GARS1: variants seen among roughly 807,000 people sequenced by gnomAD.
GARS1 encodes the protein glycyl-tRNA synthetase 1.
GARS1 carries 46 observed loss-of-function variants against 86.4 expected under a neutral mutation model. The observed-to-expected ratio is 0.53, with a 90% CI of 0.42 to 0.68. The LOEUF (loss-of-function observed/expected upper bound fraction) is 0.68, where lower values mean the gene tolerates loss of function less well. Among genes scored for constraint, GARS1 ranks in the 30% least tolerant of loss-of-function variants. The probability of loss-of-function intolerance (pLI) is 0.00; values close to 1 mark genes in which losing one functional copy is unlikely to be tolerated. For missense variants in GARS1, 797 were observed against 915.6 expected (o/e 0.87, Z 1.67); for synonymous variants, 342 against 329.8 (o/e 1.04, Z -0.40).
rs762605231 is a variant in GARS1, at chr7:30,595,042, T to C, written c.121T>C (p.Cys41Arg). 1 of 1,566,300 alleles carries C rather than the reference T, an allele frequency of 6.4e-7. No individual in the cohort carries two copies. Among genetic ancestry groups the C allele is most frequent in the Admixed American group, 1.8e-5 (1 of 55,484 alleles). ...LLRRSLSAAS[C>R]PPISLPAAAS... ...CCGCCGGTCCCTCAGCGCGGCCTCC[T>C]GCCCCCCGATCTCCTTGCCCGCCGC... Residue 41 changes from cysteine to arginine, a missense_variant, in exon 1 of 17, where the codon TGC becomes CGC. This residue lies in a region of GARS1 where 199 missense variants were observed against 176.9 expected (regional missense o/e 1.12). Coordinates refer to ENST00000389266, the MANE Select transcript of GARS1 (RefSeq NM_002047.4).
At position 30,633,869 on chromosome 7, in the gene GARS1, T is replaced by A; in HGVS notation, c.*9T>A. Reference sequence around the variant, plus strand: ...AGACAATCGAGGAATGAGGACAATTTTGACAACTTTTGACCACTTGCGCTA... The same window carrying A: ...AGACAATCGAGGAATGAGGACAATTATGACAACTTTTGACCACTTGCGCTA... On this transcript the variant is annotated 3_prime_UTR_variant, in exon 17 of 17. Transcript: ENST00000389266. 6.2e-7 allele frequency: 1 copy of A among 1,609,510 alleles called. No homozygotes were observed. Among genetic ancestry groups the A allele is most frequent in the Non-Finnish European group, 8.5e-7 (1 of 1,178,670 alleles).
chr7:30,625,911 TA>T (rs1783119242), intron 12 of GARS1, among the ~76,000 whole-genome samples: 1 of 152,248 alleles, frequency 6.6e-6, no homozygotes, highest in Non-Finnish European at 1.5e-5. Context: ...GTTATTATTC[TA>T]AAACTGAATT....
In GARS1 at chr7:30,632,885, G is replaced by T. The variant is rs1007116923; in HGVS notation, c.2094+448G>T. On this transcript the variant is annotated intron_variant, in intron 16 of 16. Coordinates refer to ENST00000389266, the MANE Select transcript of GARS1 (RefSeq NM_002047.4). The surrounding 1 kb of genome is among the most constrained non-coding windows in gnomAD (Gnocchi z 4.1). The stretch of plus-strand genomic sequence containing the variant: ...TTCAGTAGTTTTGGTCAATAGGAAG[G>T]CAGTAATGGAGATGGTAGAAGCACA... Among the ~76,000 whole-genome samples the T allele has an allele frequency of 6.6e-6, 1 of 152,214 alleles. No individual in the cohort carries two copies. The highest frequency in any genetic ancestry group is 1.5e-5 in the Non-Finnish European group (1 of 68,040).
chr7:30,602,283 G>A (rs1299812215), intron 4 of GARS1, among the ~76,000 whole-genome samples: 1 of 147,714 alleles, frequency 6.8e-6, no homozygotes, highest in African/African-American at 2.5e-5. Context: ...TAGAGACGGG[G>A]TTTCACCATG....
upstream of GARS1, chr7:30,594,839 C>A: frequency 2.4e-6 from 3 of 1,226,870 alleles, no homozygotes; most frequent in Non-Finnish European, 3.4e-6. Flanking sequence ...GTCGTTTACG[C>A]GGCGATTTCA....
Position 30,617,287 on chromosome 7 carries a change from A to G in GARS1, c.1359+9A>G. 6.2e-7 allele frequency: 1 copy of G among 1,613,526 alleles called. No homozygotes were observed. Among genetic ancestry groups the G allele is most frequent in the Admixed American group, 1.7e-5 (1 of 59,946 alleles). Reference sequence around the variant, plus strand: ...AATCCAAAACATCCTACGTAAGTGGAGTGCTGTTTACCATGTGATTTTCAC... The same window carrying G: ...AATCCAAAACATCCTACGTAAGTGGGGTGCTGTTTACCATGTGATTTTCAC... On this transcript the variant is annotated intron_variant, in intron 10 of 16. Coordinates refer to ENST00000389266, the MANE Select transcript of GARS1 (RefSeq NM_002047.4).
chr7:30,597,715 G>T (rs1489793335), intron 1 of GARS1, among the ~76,000 whole-genome samples: 1 of 152,150 alleles, frequency 6.6e-6, no homozygotes, highest in African/African-American at 2.4e-5. Context: ...TAAAATAAAA[G>T]AAGTACTCAA....
At chr7:30,618,961 G>T (rs1299171245) in intron 10 of GARS1, among the ~76,000 whole-genome samples, 1 of 152,098 alleles carries the variant, frequency 6.6e-6, no homozygotes, top group African/African-American at 2.4e-5. Context: ...TTTATTTTCA[G>T]ATCAAACCAA....
At chr7:30,631,633 A>G in intron 15 of GARS1, 92 bp downstream of exon 15, 1 of 839,756 alleles carries the variant, frequency 1.2e-6, no homozygotes, top group Non-Finnish European at 2.0e-6. Flanking sequence ...AAAAATATAG[A>G]CTGAATAAAG....
intron 16 of GARS1, among the ~76,000 whole-genome samples, chr7:30,633,128 A>G (rs1183081899): frequency 6.6e-6 from 1 of 152,194 alleles, no homozygotes; most frequent in Admixed American, 6.5e-5. Context: ...TTGACTTTTT[A>G]GAGACCATCT....
At chr7:30,620,004 T>C (rs1782971258) in intron 10 of GARS1, among the ~76,000 whole-genome samples, 1 of 152,054 alleles carries the variant, frequency 6.6e-6, no homozygotes, top group African/African-American at 2.4e-5. Context: ...CTTGAACTTC[T>C]GACCTCAGGT....
chr7:30,627,249 T>C (rs1235210274), intron 13 of GARS1: 3 of 289,344 alleles, frequency 1.0e-5, no homozygotes, highest in Non-Finnish European at 2.1e-5. Context: ...CAGTGAGCAG[T>C]GTTAGGAGTA....
intron 8 of GARS1, among the ~76,000 whole-genome samples, chr7:30,612,488 T>C (rs1269439575): frequency 1.3e-5 from 2 of 151,938 alleles, no homozygotes; most frequent in Non-Finnish European, 2.9e-5. Context: ...CTTAAGAGTC[T>C]CACCTGCTCC....
Position 30,633,792 on chromosome 7 carries a change from G to C in GARS1, c.2152G>C (p.Asp718His), listed in dbSNP as rs767756548. The stretch of plus-strand genomic sequence containing the variant: ...AGCCAATGGCAACATCACATGGGCT[G>C]ATGTGGAGGCCAGGTATCCTCTGTT... Reference protein sequence around the residue: ...DLANGNITWADVEARYPLFEG... With the variant: ...DLANGNITWAHVEARYPLFEG... Residue 718 changes from aspartate to histidine, a missense_variant, in exon 17 of 17, where the codon GAT becomes CAT. Asp to His is a moderately conservative substitution (Grantham distance 81, BLOSUM62 -1). Coordinates refer to ENST00000389266, the MANE Select transcript of GARS1 (RefSeq NM_002047.4). 6.2e-7 allele frequency: 1 copy of C among 1,605,098 alleles called. No individual in the cohort carries two copies. Among genetic ancestry groups the C allele is most frequent in the African/African-American group, 1.3e-5 (1 of 74,564 alleles).
chr7:30,615,130 A>T (rs1353338633), intron 8 of GARS1, among the ~76,000 whole-genome samples: 1 of 152,228 alleles, frequency 6.6e-6, no homozygotes, highest in East Asian at 1.9e-4. Context: ...CTTCATCGTT[A>T]GGTAATTAGC....
At chr7:30,620,907 T>C (rs1353075732) in intron 10 of GARS1, among the ~76,000 whole-genome samples, 1 of 152,248 alleles carries the variant, frequency 6.6e-6, no homozygotes. Flanking sequence ...GAACCAAATT[T>C]ACAGGCTTTG....
Position 30,633,879 on chromosome 7 carries a change from T to C in GARS1, c.*19T>C, listed in dbSNP as rs368060421. The C allele has an allele frequency of 2.6e-5, 42 of 1,597,034 alleles. No individual in the cohort carries two copies. Among genetic ancestry groups the C allele is most frequent in the Non-Finnish European group, 3.5e-5 (41 of 1,173,306 alleles). ...GGAATGAGGACAATTTTGACAACTT[T>C]TGACCACTTGCGCTAATAAAAAAAA... On this transcript the variant is annotated 3_prime_UTR_variant, in exon 17 of 17. Coordinates refer to ENST00000389266, the MANE Select transcript of GARS1 (RefSeq NM_002047.4).
Position 30,605,607 on chromosome 7 carries a change from T to C in GARS1, c.735+2035T>C, listed in dbSNP as rs551742413. 1.5e-3 allele frequency among the ~76,000 whole-genome samples: 233 copies of C among 152,266 alleles called. 1 individual carries two copies. Among genetic ancestry groups the C allele is most frequent in the African/African-American group, 5.2e-3 (218 of 41,552 alleles). Reference sequence around the variant, plus strand: ...AACATGGCTCACTGCAGCCAGGACCTCCTGAGCTCAAGAATCCTCCTGTCT... The same window carrying C: ...AACATGGCTCACTGCAGCCAGGACCCCCTGAGCTCAAGAATCCTCCTGTCT... On this transcript the variant is annotated intron_variant, in intron 6 of 16. Coordinates refer to ENST00000389266, the MANE Select transcript of GARS1 (RefSeq NM_002047.4).
intron 4 of GARS1, 57 bp from the exon 5 acceptor site, chr7:30,602,977 A>G: frequency 8.9e-7 from 1 of 1,121,710 alleles, no homozygotes; most frequent in Admixed American, 1.7e-5. Flanking sequence ...TTATAAGGTA[A>G]TATCTATGTG....
Sources: gnomAD v4.1 joint callset for allele counts (sites outside exome capture counted in the v4.1 genomes callset) on GRCh38, gnomAD v4.1.1 for gene constraint, gnomAD v4.1.1 regional missense constraint, Gnocchi (gnomAD v3.1) non-coding constraint, MANE v1.5 for transcripts, NCBI Gene and HGNC (gene_info 2026-07-23, HGNC 2026-07-21) for gene names.